The following EDA variants were observed in gnomAD, a reference collection of about 807,000 sequenced individuals.
EDA encodes the protein ectodysplasin-A.
A neutral mutation model predicts 23.6 loss-of-function variants in EDA; 2 were observed. The ratio of observed to expected loss-of-function variants is 0.08; its 90% CI spans 0.03 to 0.27. EDA has a LOEUF of 0.27. EDA is among the 10% of genes least tolerant of loss of function. EDA has a pLI of 1.00. For synonymous variants in EDA, 131 were observed against 132.0 expected (o/e 0.99, Z 0.05); for missense variants, 229 against 324.2 (o/e 0.71, Z 2.26).
At chrX:69,696,918 T>G (rs2011366340) in intron 1 of EDA, among the ~76,000 whole-genome samples, 1 of 112,493 alleles carries the variant, frequency 8.9e-6, no homozygotes, top group Admixed American at 9.4e-5. Context: ...GACCTAGACA[T>G]TTCATGAATA....
At chrX:69,858,143 G>T (rs1299402784) in intron 1 of EDA, among the ~76,000 whole-genome samples, 1 of 111,535 alleles carries the variant, frequency 9.0e-6, no homozygotes, top group African/African-American at 3.3e-5. Flanking sequence ...AAGACTATAG[G>T]GTTTTCTAAA....
chrX:69,750,303 C>T (rs1214338191), intron 1 of EDA, among the ~76,000 whole-genome samples: 1 of 107,181 alleles, frequency 9.3e-6, no homozygotes, highest in African/African-American at 3.4e-5. Context: ...ATAGTTTGCC[C>T]AGAATGATGG....
At chrX:69,646,925 G>A (rs1197114679) in intron 1 of EDA, among the ~76,000 whole-genome samples, 2 of 111,596 alleles carry the variant, frequency 1.8e-5, no homozygotes, top group Non-Finnish European at 3.8e-5. Flanking sequence ...TGTCTGAAGA[G>A]GATCTTATTT....
At chrX:69,957,217 C>T in intron 2 of EDA, 85 bp downstream of exon 2, 2 of 920,813 alleles carry the variant, frequency 2.2e-6, no homozygotes, top group Non-Finnish European at 3.1e-6. Context: ...CTTGGTAGGG[C>T]ATGGTGGCTC....
intron 1 of EDA, among the ~76,000 whole-genome samples, chrX:69,644,118 GT>G (rs202012084): frequency 0.022 from 2,378 of 107,694 alleles, 58 homozygotes; most frequent in African/African-American, 0.073. Flanking sequence ...TTTTAAAATA[GT>G]TTTTTTTTTC....
chrX:70,027,542 G>T (rs2020124391), intron 3 of EDA, among the ~76,000 whole-genome samples: 1 of 111,827 alleles, frequency 8.9e-6, no homozygotes, highest in African/African-American at 3.3e-5. Flanking sequence ...TAACACTGAG[G>T]CCAGGCGCGG....
At chrX:69,645,867 C>T (rs147440589) in intron 1 of EDA, among the ~76,000 whole-genome samples, 116 of 109,385 alleles carry the variant, frequency 1.1e-3, no homozygotes, top group East Asian at 1.5e-3. Flanking sequence ...TGAGCTGCAT[C>T]GCAGAGATTC....
chrX:69,801,456 C>T (rs2015683370), intron 1 of EDA, among the ~76,000 whole-genome samples: 1 of 111,114 alleles, frequency 9.0e-6, no homozygotes, highest in African/African-American at 3.3e-5. Context: ...GCATGAACCA[C>T]TCACTGTACC....
At chrX:69,964,552 G>T (rs1342423186) in intron 2 of EDA, among the ~76,000 whole-genome samples, 1 of 111,924 alleles carries the variant, frequency 8.9e-6, no homozygotes, top group Non-Finnish European at 1.9e-5. Context: ...CCAATCAGAT[G>T]ATGTCTATGT....
intron 2 of EDA, among the ~76,000 whole-genome samples, chrX:69,992,570 C>A (rs774912711): frequency 5.4e-5 from 6 of 112,068 alleles, no homozygotes; most frequent in Non-Finnish European, 9.4e-5. Context: ...AATGAGGTTT[C>A]CATTTCTCTC....
intron 1 of EDA, among the ~76,000 whole-genome samples, chrX:69,790,761 A>G (rs1250455314): frequency 9.0e-6 from 1 of 111,301 alleles, no homozygotes; most frequent in Non-Finnish European, 1.9e-5. Context: ...ATATTTAAAC[A>G]TACTGCTGGT....
At chrX:70,007,750 CACA>C (rs752288291) in intron 2 of EDA, among the ~76,000 whole-genome samples, 27 of 111,480 alleles carry the variant, frequency 2.4e-4, no homozygotes, top group South Asian at 3.8e-4. Flanking sequence ...GATAGGAAGA[CACA>C]ACATTATTAA....
At chrX:69,844,794 A>G (rs1283298342) in intron 1 of EDA, among the ~76,000 whole-genome samples, 1 of 112,436 alleles carries the variant, frequency 8.9e-6, no homozygotes, top group Non-Finnish European at 1.9e-5. Flanking sequence ...GTATGACGAA[A>G]CCTGCTGTAA....
intron 1 of EDA, among the ~76,000 whole-genome samples, chrX:69,888,978 TTATATATA>T (rs935436674): frequency 0.059 from 943 of 16,011 alleles, 76 homozygotes; most frequent in African/African-American, 0.16. Context: ...TGTGGGGTAG[TTATATATA>T]TATATATATA....
intron 1 of EDA, among the ~76,000 whole-genome samples, chrX:69,874,373 A>G (rs2017612025): frequency 8.9e-6 from 1 of 112,304 alleles, no homozygotes; most frequent in African/African-American, 3.2e-5. Context: ...CACCACATAA[A>G]CAGAATTAAA....
chrX:69,783,894 T>A (rs1343357965), intron 1 of EDA, among the ~76,000 whole-genome samples: 2 of 103,233 alleles, frequency 1.9e-5, no homozygotes, highest in Non-Finnish European at 4.1e-5. Flanking sequence ...TTGAACTAGT[T>A]TACAGTCCCA....
chrX:69,827,409 T>G (rs5936766), intron 1 of EDA, among the ~76,000 whole-genome samples: 591 of 111,800 alleles, frequency 5.3e-3, no homozygotes, highest in Non-Finnish European at 8.6e-3. Context: ...CTTTTTATTC[T>G]TTTTTCTCTA....
At chrX:69,681,621 T>C (rs1934354918) in intron 1 of EDA, among the ~76,000 whole-genome samples, 1 of 111,221 alleles carries the variant, frequency 9.0e-6, no homozygotes, top group Non-Finnish European at 1.9e-5. Context: ...CATCGGCTCC[T>C]GAGGCTTCTG....
intron 1 of EDA, among the ~76,000 whole-genome samples, chrX:69,645,604 A>ATATATATACATGTGTG (rs1932908225): frequency 2.6e-5 from 1 of 38,559 alleles, no homozygotes; most frequent in Non-Finnish European, 4.2e-5. Context: ...GTGTGTGTGT[A>ATATATATACATGTGTG]TATATATATA....
Sources: allele counts gnomAD v4.1 joint callset (sites outside exome capture counted in the v4.1 genomes callset), GRCh38; gene constraint gnomAD v4.1.1; transcripts MANE v1.5; gene names NCBI Gene and HGNC (gene_info 2026-07-23, HGNC 2026-07-21).